Variants in PLXNA4 observed in about 807,000 individuals in gnomAD.
The protein encoded by PLXNA4 is plexin A4, also known as plexin-A4.
PLXNA4 carries 44 observed loss-of-function variants against 191.8 expected under a neutral mutation model. The observed-to-expected ratio is 0.23, with a 90% CI of 0.18 to 0.29. The LOEUF (loss-of-function observed/expected upper bound fraction) is 0.29. Among genes scored for constraint, PLXNA4 ranks in the 10% least tolerant of loss-of-function variants. The pLI is 1.00. For synonymous variants in PLXNA4, 1,082 were observed against 1,009.5 expected, an observed-to-expected ratio of 1.07 and a Z score of -1.36; for missense variants, 1,800 against 2,488.8, an observed-to-expected ratio of 0.72 and a Z score of 5.89.
chr7:132,535,799 G>T (rs1424061087), intron 1 of PLXNA4, among the ~76,000 whole-genome samples: 1 of 151,888 alleles, frequency 6.6e-6, no homozygotes, highest in Admixed American at 6.6e-5. Flanking sequence ...GCACCAATAG[G>T]AGCTAATTAC....
At position 132,188,998 on chromosome 7, in the gene PLXNA4, G is replaced by A. The variant is rs1294054677; in HGVS notation, c.2857-1391C>T. On this transcript the variant is annotated intron_variant, in intron 14 of 31. Transcript: ENST00000321063. ...GGAAAGGAAAGGAAAGGAAAGGAGA[G>A]AGAGAGAGAGAGAGAGAGAGAGAGA... Among the ~76,000 whole-genome samples the A allele has an allele frequency of 1.1e-3, 56 of 50,924 alleles. 2 individuals carry two copies. Among genetic ancestry groups the A allele is most frequent in the South Asian group, 1.5e-3 (1 of 660 alleles). 33.4% of individuals were successfully genotyped at this position (50,924 alleles called of 152,430 possible). A position where few individuals can be genotyped will look rare whatever the true frequency, so the allele number is the denominator to read the frequency against.
intron 2 of PLXNA4, among the ~76,000 whole-genome samples, chr7:132,497,819 AG>A (rs1332116787): frequency 6.6e-6 from 1 of 152,116 alleles, no homozygotes; most frequent in Admixed American, 6.5e-5. Flanking sequence ...ACAATGCTGG[AG>A]TGAGGGCTCA....
At chr7:132,369,564 A>AC (rs1313709183) in intron 3 of PLXNA4, among the ~76,000 whole-genome samples, 1 of 152,068 alleles carries the variant, frequency 6.6e-6, no homozygotes, top group African/African-American at 2.4e-5. Context: ...CATAACATAC[A>AC]CCAAAAAGAG....
chr7:132,293,538 G>T (rs1178716851), intron 4 of PLXNA4, among the ~76,000 whole-genome samples: 1 of 152,162 alleles, frequency 6.6e-6, no homozygotes, highest in Non-Finnish European at 1.5e-5. Context: ...AGATTTAGGT[G>T]GGGACACAGC....
chr7:132,130,230 T>G lies in PLXNA4; in HGVS notation c.*249A>C. 1 of 483,536 alleles carries G rather than the reference T, an allele frequency of 2.1e-6. No individual in the cohort carries two copies. 30.0% of individuals were successfully genotyped at this position (483,536 alleles called of 1,614,324 possible). ...CATCTTCTGGTCAGCTCCCTTGCCA[T>G]GGGCCTGGCCATTCTTGGACTAACT... On this transcript the variant is annotated 3_prime_UTR_variant, in exon 32 of 32. Coordinates refer to ENST00000321063, the MANE Select transcript of PLXNA4 (RefSeq NM_020911.2).
chr7:132,323,990 G>C (rs1054493529), intron 3 of PLXNA4, among the ~76,000 whole-genome samples: 3 of 152,122 alleles, frequency 2.0e-5, no homozygotes, highest in African/African-American at 4.8e-5. Flanking sequence ...GATGGTCCTG[G>C]ACCATACCGA....
At chr7:132,461,659 A>G (rs1244732947) in intron 3 of PLXNA4, among the ~76,000 whole-genome samples, 1 of 152,234 alleles carries the variant, frequency 6.6e-6, no homozygotes, top group Non-Finnish European at 1.5e-5. Context: ...AATTCTATAA[A>G]CCTTCAGACA....
In PLXNA4 at chr7:132,458,593, A is replaced by G. The variant is rs188251325; in HGVS notation, c.1371+30699T>C. The stretch of plus-strand genomic sequence containing the variant: ...GAGTATGGACTGCAGGATTCCAGGC[A>G]CATCAAGCAGAAAGCAGGCAAAGCA... On this transcript the variant is annotated intron_variant, in intron 3 of 31. Coordinates refer to ENST00000321063, the MANE Select transcript of PLXNA4 (RefSeq NM_020911.2). Among the ~76,000 whole-genome samples, 5 of 151,696 alleles carry G rather than the reference A, an allele frequency of 3.3e-5. No individual in the cohort carries two copies. The East Asian group carries it at 9.9e-4, about 30-fold the overall frequency.
intron 3 of PLXNA4, among the ~76,000 whole-genome samples, chr7:132,470,649 T>A (rs1796898788): frequency 6.6e-6 from 1 of 152,174 alleles, no homozygotes; most frequent in African/African-American, 2.4e-5. Flanking sequence ...GTAGGCACAC[T>A]CATATCACAT....
chr7:132,145,333 T>A, intron 28 of PLXNA4, 45 bp from the exon 29 acceptor site: 1 of 1,608,262 alleles, frequency 6.2e-7, no homozygotes, highest in Non-Finnish European at 8.5e-7. Context: ...CTCACGTAGT[T>A]CTGAGGATGG....
chr7:132,316,470 C>T lies in PLXNA4; in HGVS notation c.1372-18248G>A, dbSNP rs190118152. The stretch of plus-strand genomic sequence containing the variant: ...CACTATGGGATAGAGACCCTAAACT[C>T]TCACAAACTTCCAGGCTAAGATTTT... On this transcript the variant is annotated intron_variant, in intron 3 of 31. Coordinates refer to ENST00000321063, the MANE Select transcript of PLXNA4 (RefSeq NM_020911.2). Among the ~76,000 whole-genome samples, 790 of 152,286 alleles carry T rather than the reference C, an allele frequency of 5.2e-3. 4 individuals are homozygous for T. Among genetic ancestry groups the T allele is most frequent in the Non-Finnish European group, 8.6e-3 (586 of 68,032 alleles).
intron 3 of PLXNA4, among the ~76,000 whole-genome samples, chr7:132,356,064 G>T (rs1803693149): frequency 6.6e-6 from 1 of 152,050 alleles, no homozygotes; most frequent in Non-Finnish European, 1.5e-5. Context: ...AATGGACTTG[G>T]GATATCCAGT....
At chr7:132,363,477 A>G (rs1804028472) in intron 3 of PLXNA4, among the ~76,000 whole-genome samples, 1 of 152,184 alleles carries the variant, frequency 6.6e-6, no homozygotes, top group South Asian at 2.1e-4. Context: ...TTCACTTAGC[A>G]TATGTCTTCA....
chr7:132,365,348 T>C (rs1349108427), intron 3 of PLXNA4, among the ~76,000 whole-genome samples: 3 of 105,302 alleles, frequency 2.8e-5, no homozygotes, highest in East Asian at 5.8e-4. Context: ...TGTGTGTGTG[T>C]GTGTGTGTGT....
intron 3 of PLXNA4, among the ~76,000 whole-genome samples, chr7:132,354,141 C>A (rs576524338): frequency 1.3e-5 from 2 of 152,074 alleles, no homozygotes; most frequent in East Asian, 3.9e-4. Context: ...ATCATTACAG[C>A]CAGAAATGTG....
chr7:132,484,719 T>A (rs1043034078), intron 3 of PLXNA4: 16 of 1,540,638 alleles, frequency 1.0e-5, no homozygotes, highest in Non-Finnish European at 1.4e-5. Flanking sequence ...ACATTGTATC[T>A]CCATTTGATT....
intron 2 of PLXNA4, among the ~76,000 whole-genome samples, chr7:132,608,266 A>T (rs1185081945): frequency 6.6e-6 from 1 of 152,182 alleles, no homozygotes; most frequent in Non-Finnish European, 1.5e-5. Flanking sequence ...ATGAGACCCC[A>T]TGCTGAGAGC....
Position 132,507,870 on chromosome 7 carries a change from A to G in PLXNA4, c.824T>C (p.Val275Ala). 2.5e-6 allele frequency: 4 copies of G among 1,614,160 alleles called. No homozygotes were observed. The highest frequency in any genetic ancestry group is 3.4e-6 in the Non-Finnish European group (4 of 1,180,034). ...SPPGSTTKEQVYTSKLVRLCK... is the reference protein window; with the variant it reads ...SPPGSTTKEQAYTSKLVRLCK... ...AAGCCTCACGAGCTTGGATGTATAC[A>G]CCTGCTCCTTGGTGGTGGAGCCTGG... Residue 275 changes from valine to alanine, a missense_variant, in exon 2 of 32, where the codon GTG (valine) becomes GCG (alanine). By Grantham distance (64) the Val-to-Ala change is moderately conservative. Around this residue, in one of 6 missense-constraint regions of PLXNA4, gnomAD observed 1,397 missense variants for 1,880.4 expected, o/e 0.74. Coordinates refer to ENST00000321063, the MANE Select transcript of PLXNA4 (RefSeq NM_020911.2).
chr7:132,426,388 C>A (rs1795046708), intron 3 of PLXNA4, among the ~76,000 whole-genome samples: 2 of 152,288 alleles, frequency 1.3e-5, no homozygotes, highest in Non-Finnish European at 2.9e-5. Flanking sequence ...GTATTGTCTC[C>A]ACCTCTGTCT....
Sources: allele counts gnomAD v4.1 joint callset (sites outside exome capture counted in the v4.1 genomes callset), GRCh38; gene constraint gnomAD v4.1.1; regional missense constraint gnomAD v4.1.1; transcripts MANE v1.5; gene names NCBI Gene and HGNC (gene_info 2026-07-23, HGNC 2026-07-21).